The following FASTKD1 variants were observed in gnomAD, a reference collection of about 807,000 sequenced individuals.
The protein encoded by FASTKD1 is FAST kinase domain-containing protein 1, mitochondrial.
FASTKD1 carries 94 observed loss-of-function variants against 90.9 expected under a neutral mutation model. The ratio of observed to expected loss-of-function variants is 1.03; its 90% confidence interval spans 0.88 to 1.23. The LOEUF is 1.23. FASTKD1 is among the 50% of genes most tolerant of loss of function. The pLI is 0.00. For missense variants in FASTKD1, 945 were observed against 993.5 expected (o/e 0.95, Z 0.66); for synonymous variants, 319 against 345.8 (o/e 0.92, Z 0.86).
In FASTKD1 at chr2:169,571,824, C is replaced by T; in HGVS notation, c.206G>A (p.Gly69Glu). 6.2e-7 allele frequency: 1 copy of T among 1,614,030 alleles called. No homozygotes were observed. Among genetic ancestry groups the T allele is most frequent in the East Asian group, 2.2e-5 (1 of 44,846 alleles). The stretch of plus-strand genomic sequence containing the variant: ...CTTCCAAAGCATATCAAATGCACAT[C>T]CCACTTGCTTTTCTGAAAGTATGGC... The part of the protein sequence containing the change: ...NKAILSEKQV[G>E]CAFDMLWKLQ... The change falls in exon 2 of 15, where the codon GGA becomes GAA. Residue 69 changes from glycine to glutamate, a missense_variant. By Grantham distance (98) the Gly-to-Glu change is moderately conservative. Transcript: ENST00000453153.
At chr2:169,534,183 C>CAAAA (rs71003097) in intron 12 of FASTKD1, among the ~76,000 whole-genome samples, 19 of 46,320 alleles carry the variant, frequency 4.1e-4, no homozygotes, top group African/African-American at 1.4e-3. Flanking sequence ...GACCCTTTCT[C>CAAAA]AAAAAAAAAA....
At chr2:169,569,998 C>CA (rs1559162810) in intron 2 of FASTKD1, among the ~76,000 whole-genome samples, 1 of 152,034 alleles carries the variant, frequency 6.6e-6, no homozygotes, top group African/African-American at 2.4e-5. Flanking sequence ...GAAAGGCCAC[C>CA]AAAAAACATG....
chr2:169,560,780 A>G lies in FASTKD1; in HGVS notation c.578T>C (p.Leu193Ser), dbSNP rs373784286. ...NLETTQDLSS[L>S]SVLMVNISSL... ...AGATATGTTGACCATCAAGACAGAC[A>G]AGGAACTGAAAAAGAAAAAAGATGC... The change falls in exon 5 of 15, where the codon TTG becomes TCG. Residue 193 changes from leucine (L) to serine (S), a missense_variant. By Grantham distance (145) the Leu-to-Ser change is moderately radical (BLOSUM62 -2). Transcript: ENST00000453153. The G allele has an allele frequency of 1.3e-5, 19 of 1,507,988 alleles. No homozygotes were observed. The highest frequency in any genetic ancestry group is 1.6e-5 in the Non-Finnish European group (18 of 1,130,920). 93.4% of individuals were successfully genotyped at this position (1,507,988 alleles called of 1,614,324 possible).
chr2:169,544,783 T>C lies in FASTKD1; in HGVS notation c.1754A>G (p.Tyr585Cys). 1 of 1,613,268 alleles carries C rather than the reference T, an allele frequency of 6.2e-7. No individual in the cohort carries two copies. The highest frequency in any genetic ancestry group is 1.3e-5 in the African/African-American group (1 of 75,010). The change falls in exon 9 of 15, where the codon TAT (tyrosine) becomes TGT (cysteine). Residue 585 changes from tyrosine (Y) to cysteine (C), a missense_variant. Physicochemically the swap from Tyr to Cys is radical, Grantham distance 194. Coordinates refer to ENST00000453153, the MANE Select transcript of FASTKD1 (RefSeq NM_024622.6). ...AIIRPFSVLNYDPPQRDEFLG... is the reference protein window; with the variant it reads ...AIIRPFSVLNCDPPQRDEFLG... ...AAATTCATCCCTTTGAGGTGGATCA[T>C]AGTTCAATACGCTGAATGGACGAAT...
chr2:169,544,696 A>G (rs768978061), intron 9 of FASTKD1, 25 bp downstream of exon 9: 17 of 1,256,484 alleles, frequency 1.4e-5, no homozygotes, highest in South Asian at 4.8e-5. Flanking sequence ...TATTCACTCA[A>G]TGTATTACCA....
Position 169,529,665 on chromosome 2 carries a change from C to T in FASTKD1, c.*160G>A. On this transcript the variant is annotated 3_prime_UTR_variant, in exon 15 of 15. Transcript: ENST00000453153. ...TCTTATACACTCCCACCCCACTCCC[C>T]ACTTGTTCTGCTCCAGCCACACTGG... is the stretch of plus-strand genomic sequence containing the variant. 1.7e-6 allele frequency: 1 copy of T among 587,090 alleles called. No homozygotes were observed. The allele number at this position is 587,090 out of a possible 1,614,324, so 36.4% of individuals were successfully genotyped here.
rs549400359 is a variant in FASTKD1 at position 169,568,936 on chromosome 2, T to A, written c.446+248A>T. On this transcript the variant is annotated intron_variant, in intron 3 of 14. Coordinates refer to ENST00000453153, the MANE Select transcript of FASTKD1 (RefSeq NM_024622.6). The stretch of plus-strand genomic sequence containing the variant: ...ATTGCTTGAACCCAGGAGGCAGAGG[T>A]TGCAGTGAGCTGAGACCACGCCACT... Among the ~76,000 whole-genome samples the A allele has an allele frequency of 4.6e-5, 7 of 150,948 alleles. No homozygotes were observed. In the East Asian group the frequency reaches 1.4e-3, roughly 29 times the overall value.
intron 8 of FASTKD1, 86 bp from the exon 9 acceptor site, chr2:169,544,921 T>A (rs1441027715): frequency 2.6e-5 from 18 of 691,782 alleles, no homozygotes; most frequent in Non-Finnish European, 4.4e-5. Context: ...AGGAGAAATC[T>A]TTTCCTATCA....
At chr2:169,530,734 A>G (rs1229664001) in intron 13 of FASTKD1, 33 bp from the exon 14 acceptor site, 12 of 1,148,376 alleles carry the variant, frequency 1.0e-5, no homozygotes, top group Non-Finnish European at 1.5e-5. Flanking sequence ...TACTCCTAAA[A>G]TCAGAATAAG....
At position 169,544,786 on chromosome 2, in the gene FASTKD1, T is replaced by C. The variant is rs1188671610; in HGVS notation, c.1751A>G (p.Asn584Ser). ...TTCATCCCTTTGAGGTGGATCATAG[T>C]TCAATACGCTGAATGGACGAATAAT... is the stretch of plus-strand genomic sequence containing the variant. ...PAIIRPFSVL[N>S]YDPPQRDEFL... The change falls in exon 9 of 15, where the codon AAC becomes AGC. Residue 584 changes from asparagine (N) to serine (S), a missense_variant. Asn to Ser is a conservative substitution (Grantham distance 46). Transcript: ENST00000453153. 2 of 1,613,018 alleles carry C rather than the reference T, an allele frequency of 1.2e-6. No individual in the cohort carries two copies. Among genetic ancestry groups the C allele is most frequent in the Admixed American group, 1.7e-5 (1 of 59,924 alleles).
In FASTKD1 at chr2:169,564,304, G is replaced by A. The variant is rs116713275; in HGVS notation, c.447-954C>T. Among the ~76,000 whole-genome samples the A allele has an allele frequency of 8.4e-3, 1,277 of 151,986 alleles. 12 individuals carry two copies. The highest frequency in any genetic ancestry group is 0.029 in the African/African-American group (1,186 of 41,434). On this transcript the variant is annotated intron_variant, in intron 3 of 14. Coordinates refer to ENST00000453153, the MANE Select transcript of FASTKD1 (RefSeq NM_024622.6). ...CACAGACAAGGTACTAGGTAATATC[G>A]AAAATTTAAATTTATCAATTTTATT...
Position 169,572,124 on chromosome 2 carries a change from A to T in FASTKD1, c.-95T>A. On this transcript the variant is annotated 5_prime_UTR_variant, in exon 2 of 15. Transcript: ENST00000453153. Reference sequence around the variant, plus strand: ...ACAAATAACAGTTTTTCCTTCATGTATTTTGCTTCCATTACAATGACTGTA... The same window carrying T: ...ACAAATAACAGTTTTTCCTTCATGTTTTTTGCTTCCATTACAATGACTGTA... 6.9e-7 allele frequency: 1 copy of T among 1,446,658 alleles called. No individual in the cohort carries two copies. 89.6% of individuals were successfully genotyped at this position (1,446,658 alleles called of 1,614,324 possible). A position where few individuals can be genotyped will look rare whatever the true frequency, so the allele number is the denominator to read the frequency against.
At chr2:169,537,093 C>T in intron 12 of FASTKD1, 134 bp downstream of exon 12, 7 of 586,256 alleles carry the variant, frequency 1.2e-5, no homozygotes, top group African/African-American at 3.9e-5. Flanking sequence ...TTTCTATCTC[C>T]GTTTGAAAAT....
chr2:169,560,697 C>A lies in FASTKD1; in HGVS notation c.661G>T (p.Asp221Tyr). ...TTGACCTCAGAAGAATCTATGGTGT[C>A]AAAAAGAAGTTCTGTTTTGTTCACC... ...QLVNKTELLF[D>Y]TIDSSEVNVA... The change falls in exon 5 of 15, where the codon GAC becomes TAC. Residue 221 changes from aspartate to tyrosine, a missense_variant. By Grantham distance (160) the Asp-to-Tyr change is radical (BLOSUM62 -3). Transcript: ENST00000453153. 1 of 1,608,750 alleles carries A rather than the reference C, an allele frequency of 6.2e-7. No homozygotes were observed. The highest frequency in any genetic ancestry group is 1.1e-5 in the South Asian group (1 of 89,452).
rs187311575 is a variant in FASTKD1 at position 169,558,610 on chromosome 2, C to T, written c.972-1313G>A. On this transcript the variant is annotated intron_variant, in intron 5 of 14. Transcript: ENST00000453153. ...GATTACAGGTGCCCACCACCACGCC[C>T]GGCTAATTTTTTATATTTTTACTAG... Among the ~76,000 whole-genome samples the T allele has an allele frequency of 4.7e-3, 714 of 152,048 alleles. 4 individuals carry two copies. Among genetic ancestry groups the T allele is most frequent in the Non-Finnish European group, 7.2e-3 (487 of 67,952 alleles).
In FASTKD1 at chr2:169,531,427, A is replaced by C. The variant is rs1441542510; in HGVS notation, c.2252T>G (p.Leu751Trp). The change falls in exon 13 of 15, where the codon TTG becomes TGG. Residue 751 changes from leucine (L) to tryptophan (W), a missense_variant. Physicochemically the swap from Leu to Trp is moderately conservative, Grantham distance 61. Coordinates refer to ENST00000453153, the MANE Select transcript of FASTKD1 (RefSeq NM_024622.6). ...PLPYGSHNIA[L>W]GQLPEMPWES... ...CCAGGGCATTTCTGGTAGTTGTCCCAATGCTATATTATGGCTTCCATACGG... is the reference window on the plus strand; with the variant it reads ...CCAGGGCATTTCTGGTAGTTGTCCCCATGCTATATTATGGCTTCCATACGG... The C allele has an allele frequency of 1.2e-6, 2 of 1,612,712 alleles. No homozygotes were observed. The highest frequency in any genetic ancestry group is 3.3e-5 in the Admixed American group (2 of 59,992).
At chr2:169,532,457 C>T (rs908276441) in intron 12 of FASTKD1, among the ~76,000 whole-genome samples, 2 of 150,900 alleles carry the variant, frequency 1.3e-5, no homozygotes, top group African/African-American at 2.4e-5. Context: ...CCTTGTGTGC[C>T]TCCTGAGAGG....
intron 8 of FASTKD1, among the ~76,000 whole-genome samples, chr2:169,545,117 G>T (rs1225866690): frequency 2.0e-5 from 3 of 152,162 alleles, no homozygotes; most frequent in Non-Finnish European, 4.4e-5. Context: ...GGGAGTGGTG[G>T]CTCATGCCTG....
intron 4 of FASTKD1, among the ~76,000 whole-genome samples, chr2:169,562,871 C>T (rs1218227935): frequency 6.6e-6 from 1 of 152,138 alleles, no homozygotes; most frequent in East Asian, 1.9e-4. Flanking sequence ...TGGTACTCTG[C>T]TACTGCTATT....
Sources: allele counts gnomAD v4.1 joint callset (sites outside exome capture counted in the v4.1 genomes callset), GRCh38; gene constraint gnomAD v4.1.1; transcripts MANE v1.5; gene names NCBI Gene and HGNC (gene_info 2026-07-23, HGNC 2026-07-21).